SCN8A: variants seen among roughly 807,000 people sequenced by gnomAD.
The protein encoded by SCN8A is sodium voltage-gated channel alpha subunit 8.
A neutral mutation model predicts 184.1 loss-of-function variants in SCN8A; 30 were observed. The observed-to-expected ratio is 0.16, with a 90% CI of 0.12 to 0.22. The LOEUF (loss-of-function observed/expected upper bound fraction) is 0.22, where lower values mean the gene tolerates loss of function less well. SCN8A is among the 10% of genes least tolerant of loss of function. The pLI, the probability that SCN8A is intolerant of heterozygous loss-of-function variation, is 1.00. For missense variants in SCN8A, 1,057 were observed against 2,498.9 expected (o/e 0.42, Z 12.30); for synonymous variants, 852 against 907.0 (o/e 0.94, Z 1.09).
chr12:51,775,129 T>G (rs1937647686), intron 20 of SCN8A, among the ~76,000 whole-genome samples: 1 of 152,222 alleles, frequency 6.6e-6, no homozygotes, highest in Non-Finnish European at 1.5e-5. Context: ...CTTCTTTCTT[T>G]CAGCCAAGTC....
intron 26 of SCN8A, among the ~76,000 whole-genome samples, chr12:51,795,806 G>C (rs932382847): frequency 1.3e-5 from 2 of 151,866 alleles, no homozygotes; most frequent in African/African-American, 2.4e-5. Context: ...AGCACTTTGG[G>C]AGGCAAGGCG....
chr12:51,739,311 C>T (rs948737926), intron 12 of SCN8A, among the ~76,000 whole-genome samples: 4 of 152,022 alleles, frequency 2.6e-5, no homozygotes, highest in Admixed American at 2.0e-4. Context: ...GAATTCCTGC[C>T]TGAATAGAAC....
At chr12:51,649,782 G>A (rs1940669961) in intron 1 of SCN8A, among the ~76,000 whole-genome samples, 1 of 152,176 alleles carries the variant, frequency 6.6e-6, no homozygotes, top group African/African-American at 2.4e-5. Flanking sequence ...ACTCTGACAT[G>A]CCCTGGAGAC....
chr12:51,794,292 T>G, intron 25 of SCN8A, 79 bp from the exon 26 acceptor site: 1 of 1,428,202 alleles, frequency 7.0e-7, no homozygotes, highest in Non-Finnish European at 9.5e-7. Context: ...GTACCTCGAT[T>G]AGCAGGGTGA....
intron 1 of SCN8A, among the ~76,000 whole-genome samples, chr12:51,632,479 T>C (rs1940217786): frequency 6.6e-6 from 1 of 152,178 alleles, no homozygotes; most frequent in African/African-American, 2.4e-5. Context: ...CTCTTATGTC[T>C]AACCTCAGTC....
chr12:51,617,931 G>T (rs957931376), intron 1 of SCN8A, among the ~76,000 whole-genome samples: 1 of 152,108 alleles, frequency 6.6e-6, no homozygotes, highest in African/African-American at 2.4e-5. Context: ...CAAAACCTTT[G>T]GTGTGCTGTT....
intron 11 of SCN8A, among the ~76,000 whole-genome samples, chr12:51,720,402 C>T (rs1204679747): frequency 7.0e-6 from 1 of 143,522 alleles, no homozygotes; most frequent in African/African-American, 2.6e-5. Context: ...GGAAATTGAA[C>T]AATGAGAACA....
chr12:51,810,305 C>T lies in SCN8A; in HGVS notation c.*2876C>T, dbSNP rs1309532719. 2 of 304,910 alleles carry T rather than the reference C, an allele frequency of 6.6e-6. No individual in the cohort carries two copies. The highest frequency in any genetic ancestry group is 1.4e-5 in the Non-Finnish European group (2 of 147,104). The allele number at this position is 304,910 out of a possible 1,614,324, so 18.9% of individuals were successfully genotyped here. The stretch of plus-strand genomic sequence containing the variant: ...TATCCTTCACCCACTGTCCTTCCAC[C>T]TGCTCACTCACTCACTCTCTCACCC... On this transcript the variant is annotated 3_prime_UTR_variant, in exon 27 of 27. Coordinates refer to ENST00000627620, the MANE Select transcript of SCN8A (RefSeq NM_001330260.2).
chr12:51,621,198 G>A (rs1005970300), intron 1 of SCN8A, among the ~76,000 whole-genome samples: 2 of 152,178 alleles, frequency 1.3e-5, no homozygotes, highest in African/African-American at 4.8e-5. Context: ...TATATCGTTT[G>A]CTTTTTAACT....
chr12:51,767,534 C>T (rs1182024703), intron 16 of SCN8A, among the ~76,000 whole-genome samples: 1 of 151,982 alleles, frequency 6.6e-6, no homozygotes, highest in Non-Finnish European at 1.5e-5. Context: ...AAGATCTGCC[C>T]CTTCCTTTGC....
At chr12:51,708,729 C>T (rs184179620) in intron 11 of SCN8A, among the ~76,000 whole-genome samples, 18 of 152,196 alleles carry the variant, frequency 1.2e-4, no homozygotes, top group Admixed American at 5.9e-4. Context: ...TGTTCTACTG[C>T]GTTTGTCCAC....
chr12:51,674,378 G>A (rs1941185362), intron 2 of SCN8A, among the ~76,000 whole-genome samples: 1 of 152,030 alleles, frequency 6.6e-6, no homozygotes, highest in Non-Finnish European at 1.5e-5. Flanking sequence ...TGTCACCCAG[G>A]CTGGAGTGCA....
At chr12:51,796,747 TGGCC>T in intron 26 of SCN8A, among the ~76,000 whole-genome samples, 1 of 152,154 alleles carries the variant, frequency 6.6e-6, no homozygotes, top group South Asian at 2.1e-4. Context: ...GCCTTTGGTC[TGGCC>T]AAAGGCCAGA....
At chr12:51,772,657 C>T (rs1942943537) in intron 19 of SCN8A, among the ~76,000 whole-genome samples, 1 of 151,802 alleles carries the variant, frequency 6.6e-6, no homozygotes, top group Non-Finnish European at 1.5e-5. Context: ...GACTGTGGAA[C>T]CCATGACCCC....
At chr12:51,784,073 T>A (rs941837550) in intron 21 of SCN8A, among the ~76,000 whole-genome samples, 1 of 152,218 alleles carries the variant, frequency 6.6e-6, no homozygotes, top group East Asian at 1.9e-4. Context: ...AGTGGAAATT[T>A]GAATTATCAT....
rs145425968 is a variant in SCN8A, at chr12:51,624,938, C to G, written c.-55+33579C>G. On this transcript the variant is annotated intron_variant, in intron 1 of 26. Coordinates refer to ENST00000627620, the MANE Select transcript of SCN8A (RefSeq NM_001330260.2). ...ATATAGGCCAGCTTTTTTTTTTCCT[C>G]TACCCCCTTCAGTGAGTTTATGTCA... Among the ~76,000 whole-genome samples, 273 of 151,200 alleles carry G rather than the reference C, an allele frequency of 1.8e-3. 1 individual carries two copies. The highest frequency in any genetic ancestry group is 6.4e-3 in the African/African-American group (265 of 41,288).
In SCN8A at chr12:51,701,163, T is replaced by A. The variant is rs1163433286; in HGVS notation, c.948T>A (p.Pro316=). Residue 316 remains proline, a synonymous_variant, in exon 8 of 27, where the codon CCT becomes CCA. Transcript: ENST00000627620. ...INNKTNFYTV[P]GMLEPLLCGN... ...TTCTAGCAAATTTCTACACAGTTCC[T>A]GGCATGCTGGAACCTTTACTCTGTG... 2 of 1,612,958 alleles carry A rather than the reference T, an allele frequency of 1.2e-6. No homozygotes were observed. Among genetic ancestry groups the A allele is most frequent in the African/African-American group, 2.7e-5 (2 of 74,914 alleles).
At chr12:51,780,561 C>CCTTCTTTTTTTT (rs1937868303) in intron 20 of SCN8A, 88 bp from the exon 21 acceptor site, 1 of 457,856 alleles carries the variant, frequency 2.2e-6, no homozygotes, top group African/African-American at 1.1e-4. Flanking sequence ...CCTCTGTTTT[C>CCTTCTTTTTTTT]TTTCTTTTTT....
chr12:51,791,099 C>T (rs894607512), intron 25 of SCN8A, among the ~76,000 whole-genome samples: 1 of 152,092 alleles, frequency 6.6e-6, no homozygotes, highest in Non-Finnish European at 1.5e-5. Flanking sequence ...GAAGGAGATA[C>T]CCTGCTCCTG....
Sources: gnomAD v4.1 joint callset for allele counts (sites outside exome capture counted in the v4.1 genomes callset) on GRCh38, gnomAD v4.1.1 for gene constraint, MANE v1.5 for transcripts, NCBI Gene and HGNC (gene_info 2026-07-23, HGNC 2026-07-21) for gene names.